Variants in IARS1 observed in about 807,000 individuals in gnomAD.
IARS1 encodes isoleucine--tRNA ligase, cytoplasmic.
IARS1 carries 124 observed loss-of-function variants against 168.2 expected under a neutral mutation model. The observed-to-expected ratio is 0.74, with a 90% CI of 0.64 to 0.86. The LOEUF is 0.86. Ranked by LOEUF, IARS1 falls within the 40% of genes least tolerant of loss-of-function variation. IARS1 has a pLI of 0.00. For missense variants in IARS1, 1,452 were observed against 1,515.8 expected (o/e 0.96, Z 0.70); for synonymous variants, 532 against 529.4 (o/e 1.00, Z -0.07).
At chr9:92,266,047 T>C (rs972752802) in intron 14 of IARS1, among the ~76,000 whole-genome samples, 1 of 152,226 alleles carries the variant, frequency 6.6e-6, no homozygotes, top group African/African-American at 2.4e-5. Context: ...AGACACAGCC[T>C]ACTCTTAGTC....
chr9:92,259,088 T>C, intron 18 of IARS1, 90 bp from the exon 19 acceptor site: 2 of 1,183,730 alleles, frequency 1.7e-6, no homozygotes, highest in Non-Finnish European at 2.3e-6. Context: ...AAGATGAAAA[T>C]CAGTCCTATT....
chr9:92,236,932 T>C (rs939989387), intron 30 of IARS1, among the ~76,000 whole-genome samples: 1 of 152,260 alleles, frequency 6.6e-6, no homozygotes, highest in Non-Finnish European at 1.5e-5. Flanking sequence ...ATTCCTGATA[T>C]GCAACTGTGT....
At chr9:92,282,163 G>C (rs1307596383) in intron 6 of IARS1, among the ~76,000 whole-genome samples, 3 of 152,090 alleles carry the variant, frequency 2.0e-5, no homozygotes, top group African/African-American at 4.8e-5. Context: ...ACTCTCAAAG[G>C]GTACTGTGCC....
At chr9:92,240,627 C>T (rs1190053722) in intron 30 of IARS1, 2 of 712,926 alleles carry the variant, frequency 2.8e-6, no homozygotes, top group Admixed American at 2.0e-5. Flanking sequence ...CTCTTGGCCT[C>T]AAGCAATCCT....
chr9:92,245,092 T>C, intron 26 of IARS1, 21 bp from the exon 27 acceptor site: 2 of 1,592,788 alleles, frequency 1.3e-6, no homozygotes, highest in Non-Finnish European at 1.7e-6. Flanking sequence ...GCAGCTACAC[T>C]GTTAATCAGC....
intron 20 of IARS1, among the ~76,000 whole-genome samples, chr9:92,255,456 A>G (rs1003680073): frequency 2.6e-5 from 4 of 152,202 alleles, no homozygotes; most frequent in African/African-American, 9.7e-5. Flanking sequence ...CTGGACCTAC[A>G]GTTGTGATTA....
At chr9:92,228,378 AATCCAGACTTAGTGAG>A (rs1362001704) in intron 31 of IARS1, among the ~76,000 whole-genome samples, 1 of 152,044 alleles carries the variant, frequency 6.6e-6, no homozygotes, top group Non-Finnish European at 1.5e-5. Flanking sequence ...CTTTATTGAG[AATCCAGACTTAGTGAG>A]ATCCAGGCAT....
chr9:92,250,111 T>G, intron 24 of IARS1, 76 bp downstream of exon 24: 1 of 1,035,286 alleles, frequency 9.7e-7, no homozygotes, highest in Non-Finnish European at 1.5e-6. Context: ...GTGGAAGCTC[T>G]CTATATTAAA....
chr9:92,223,315 C>A lies in IARS1; in HGVS notation c.3553+31G>T, dbSNP rs755268664. 16 of 1,581,944 alleles carry A rather than the reference C, an allele frequency of 1.0e-5. No individual in the cohort carries two copies. In the South Asian group the frequency reaches 1.7e-4, roughly 17 times the overall value. ...AAGACAACTTCAATGCCCAGCACCCCACAGTCTGCCTGCTGTGGGGAGGCA... is the reference window on the plus strand; with the variant it reads ...AAGACAACTTCAATGCCCAGCACCCAACAGTCTGCCTGCTGTGGGGAGGCA... On this transcript the variant is annotated intron_variant, in intron 32 of 33. Coordinates refer to ENST00000443024, the MANE Select transcript of IARS1 (RefSeq NM_002161.6).
chr9:92,239,722 C>G (rs116859663), intron 30 of IARS1, among the ~76,000 whole-genome samples: 1 of 152,106 alleles, frequency 6.6e-6, no homozygotes, highest in Non-Finnish European at 1.5e-5. Flanking sequence ...TACTGCCCCC[C>G]ACTAGGATGA....
rs7848467 is a variant in IARS1 at position 92,244,335 on chromosome 9, C to T, written c.2904+624G>A. On this transcript the variant is annotated intron_variant, in intron 27 of 33. Transcript: ENST00000443024. ...CGCCTGGGTAAAGGACTGAGGAGGTCGACCTTCCTTTCATGGAGGTGCTGC... is the reference window on the plus strand; with the variant it reads ...CGCCTGGGTAAAGGACTGAGGAGGTTGACCTTCCTTTCATGGAGGTGCTGC... Among the ~76,000 whole-genome samples the T allele has an allele frequency of 4.6e-3, 698 of 152,230 alleles. 7 individuals carry two copies. The highest frequency in any genetic ancestry group is 0.016 in the African/African-American group (655 of 41,518).
intron 1 of IARS1, among the ~76,000 whole-genome samples, chr9:92,292,857 C>A (rs1441205514): frequency 3.3e-5 from 5 of 152,214 alleles, no homozygotes; most frequent in Admixed American, 6.5e-5. Flanking sequence ...TTTAAAATTT[C>A]ATAATTCCTT....
At chr9:92,269,572 C>T (rs957050930) in intron 13 of IARS1, among the ~76,000 whole-genome samples, 1 of 152,196 alleles carries the variant, frequency 6.6e-6, no homozygotes, top group African/African-American at 2.4e-5. Context: ...TGAAGGCTAG[C>T]AAACTCTGGC....
intron 17 of IARS1, among the ~76,000 whole-genome samples, chr9:92,262,072 A>AC (rs1216897390): frequency 2.6e-5 from 4 of 151,656 alleles, no homozygotes; most frequent in Non-Finnish European, 5.9e-5. Flanking sequence ...TTCAATTAAA[A>AC]AAAAAAAAAA....
At chr9:92,282,953 C>T (rs946956390) in intron 6 of IARS1, among the ~76,000 whole-genome samples, 1 of 151,112 alleles carries the variant, frequency 6.6e-6, no homozygotes, top group African/African-American at 2.4e-5. Context: ...TTCCTGGGCT[C>T]ATGTCATTCT....
chr9:92,251,934 T>A (rs1456701587), intron 21 of IARS1, 49 bp from the exon 22 acceptor site: 24 of 1,299,912 alleles, frequency 1.8e-5, no homozygotes, highest in Non-Finnish European at 2.7e-5. Context: ...AATAAGTGTT[T>A]ATCATTAAAA....
At position 92,242,147 on chromosome 9, in the gene IARS1, G is replaced by T. The variant is rs1248000047; in HGVS notation, c.3177+7C>A. 6.2e-7 allele frequency: 1 copy of T among 1,610,456 alleles called. No homozygotes were observed. Among genetic ancestry groups the T allele is most frequent in the South Asian group, 1.1e-5 (1 of 90,760 alleles). On this transcript the variant is annotated splice_region_variant and intron_variant, in intron 29 of 33. Coordinates refer to ENST00000443024, the MANE Select transcript of IARS1 (RefSeq NM_002161.6). ...TTAGTAGTAGTTCAGTGGAACTCAG[G>T]ACTCACCTGTGTTTTTTCTTGAATA...
At chr9:92,285,657 A>G in intron 6 of IARS1, 65 bp downstream of exon 6, 1 of 993,254 alleles carries the variant, frequency 1.0e-6, no homozygotes, top group Non-Finnish European at 1.6e-6. Flanking sequence ...ACCTACTGTG[A>G]TCATAACTAC....
chr9:92,246,959 G>A (rs979459097), intron 26 of IARS1, among the ~76,000 whole-genome samples: 1 of 152,196 alleles, frequency 6.6e-6, no homozygotes, highest in Non-Finnish European at 1.5e-5. Flanking sequence ...TTGGGGGACC[G>A]AAGGCGGGTG....
Sources: gnomAD v4.1 joint callset for allele counts (sites outside exome capture counted in the v4.1 genomes callset) on GRCh38, gnomAD v4.1.1 for gene constraint, MANE v1.5 for transcripts, NCBI Gene and HGNC (gene_info 2026-07-23, HGNC 2026-07-21) for gene names.